The following PDE1C variants were observed in gnomAD, a reference collection of about 807,000 sequenced individuals.
PDE1C encodes dual specificity calcium/calmodulin-dependent 3',5'-cyclic nucleotide phosphodiesterase 1C.
Under a neutral mutation model 93.1 loss-of-function variants are expected in PDE1C, and 62 were observed. That is an observed-to-expected ratio of 0.67 (90% CI 0.54 to 0.82). The LOEUF (loss-of-function observed/expected upper bound fraction) is 0.82. Among genes scored for constraint, PDE1C ranks in the 40% least tolerant of loss-of-function variants. The pLI, the probability that PDE1C is intolerant of heterozygous loss-of-function variation, is 0.00. For synonymous variants in PDE1C, 325 were observed against 310.1 expected, an observed-to-expected ratio of 1.05 and a Z score of -0.50; for missense variants, 742 against 884.6, an observed-to-expected ratio of 0.84 and a Z score of 2.04.
chr7:31,627,013 A>G, the PDE1C span, among the ~76,000 whole-genome samples: 1 of 152,270 alleles, frequency 6.6e-6, no homozygotes, highest in African/African-American at 2.4e-5. Flanking sequence ...ATGTATGTCT[A>G]AAACACATAT....
Position 31,823,069 on chromosome 7 carries a change from T to G in PDE1C, c.1582+4A>C. The G allele has an allele frequency of 6.2e-7, 1 of 1,606,984 alleles. No homozygotes were observed. The highest frequency in any genetic ancestry group is 1.1e-5 in the South Asian group (1 of 89,850). On this transcript the variant is annotated splice_donor_region_variant and intron_variant, in intron 14 of 17. Coordinates refer to ENST00000396191, the MANE Select transcript of PDE1C (RefSeq NM_001191057.4). The stretch of plus-strand genomic sequence containing the variant: ...TTGGTTTGGACAGGTCTGTGGCATG[T>G]TACCTTTGGGTACCTTGGCCCTCCA...
At chr7:31,909,826 C>T (rs1801013006) in intron 2 of PDE1C, among the ~76,000 whole-genome samples, 1 of 152,088 alleles carries the variant, frequency 6.6e-6, no homozygotes, top group African/African-American at 2.4e-5. Flanking sequence ...GGGTTTGAAC[C>T]CAGGCTGTCT....
intron 17 of PDE1C, among the ~76,000 whole-genome samples, chr7:31,756,839 A>C (rs1182663104): frequency 6.6e-6 from 1 of 152,240 alleles, no homozygotes; most frequent in East Asian, 1.9e-4. Flanking sequence ...AAACAGAGCC[A>C]GTTGAACCCT....
intron 1 of PDE1C, among the ~76,000 whole-genome samples, chr7:32,289,356 A>T (rs1307792266): frequency 6.6e-6 from 1 of 152,170 alleles, no homozygotes; most frequent in East Asian, 1.9e-4. Context: ...GCTGTGGTGA[A>T]CCGTGATCGT....
the PDE1C span, among the ~76,000 whole-genome samples, chr7:31,647,001 A>T: frequency 6.6e-6 from 1 of 152,276 alleles, no homozygotes; most frequent in Non-Finnish European, 1.5e-5. Flanking sequence ...AATAGAAAAA[A>T]ATACACTCAA....
chr7:31,865,708 C>T (rs561342043), intron 6 of PDE1C, among the ~76,000 whole-genome samples: 2 of 152,208 alleles, frequency 1.3e-5, no homozygotes, highest in South Asian at 2.1e-4. Flanking sequence ...AACAGACTAT[C>T]GCATTTTGGT....
the PDE1C span, among the ~76,000 whole-genome samples, chr7:31,721,963 ATG>A: frequency 0.1 from 15,803 of 152,226 alleles, 936 homozygotes; most frequent in East Asian, 0.23. Context: ...AGAAAAGTAA[ATG>A]CTCAAGACTT....
At position 32,079,005 on chromosome 7, in the gene PDE1C, T is replaced by C. The variant is rs141511653; in HGVS notation, c.308+90780A>G. ...CATTAAAATCTGTTGAGCAGGTGTG[T>C]AGGAGATGCAAAGTGGAAGTTTGAT... On this transcript the variant is annotated intron_variant, in intron 3 of 18. Transcript: ENST00000396193. 1.4e-3 allele frequency among the ~76,000 whole-genome samples: 209 copies of C among 152,136 alleles called. No homozygotes were observed. In the East Asian group the frequency reaches 0.018, roughly 13 times the overall value.
chr7:32,240,022 A>G (rs1020382145), intron 1 of PDE1C, among the ~76,000 whole-genome samples: 7 of 152,124 alleles, frequency 4.6e-5, no homozygotes, highest in African/African-American at 1.7e-4. Context: ...GCCCCCTGCC[A>G]CCCCATGTAT....
chr7:32,291,467 C>T (rs1307108151), intron 1 of PDE1C, among the ~76,000 whole-genome samples: 1 of 152,256 alleles, frequency 6.6e-6, no homozygotes, highest in East Asian at 1.9e-4. Context: ...AGCTAGTCCC[C>T]ATTTCCCACT....
intron 17 of PDE1C, among the ~76,000 whole-genome samples, chr7:31,755,370 G>C (rs1484281181): frequency 6.6e-6 from 1 of 152,066 alleles, no homozygotes; most frequent in East Asian, 1.9e-4. Context: ...AAGGGGAGGG[G>C]GTCTAGGACC....
intron 3 of PDE1C, among the ~76,000 whole-genome samples, chr7:32,103,838 T>C (rs141619609): frequency 8.3e-4 from 126 of 152,164 alleles, no homozygotes; most frequent in African/African-American, 2.9e-3. Context: ...AGATAAAATA[T>C]TGCAGAGAAG....
At chr7:32,283,108 T>C (rs1411009279) in intron 1 of PDE1C, among the ~76,000 whole-genome samples, 1 of 152,188 alleles carries the variant, frequency 6.6e-6, no homozygotes, top group African/African-American at 2.4e-5. Context: ...GAGACAATGA[T>C]AGTTACTGTA....
chr7:32,220,101 C>T (rs1446795507), intron 1 of PDE1C, among the ~76,000 whole-genome samples: 2 of 147,810 alleles, frequency 1.4e-5, no homozygotes, highest in Non-Finnish European at 3.0e-5. Flanking sequence ...GTCCCTTAAA[C>T]CTCTTTTTTT....
chr7:32,164,016 A>G (rs943296112), intron 3 of PDE1C, among the ~76,000 whole-genome samples: 5 of 152,246 alleles, frequency 3.3e-5, no homozygotes, highest in Non-Finnish European at 5.9e-5. Flanking sequence ...GAACAAAAGC[A>G]TTACTCAAAT....
At chr7:32,373,322 C>T (rs1052336640) in intron 1 of PDE1C, among the ~76,000 whole-genome samples, 3 of 152,130 alleles carry the variant, frequency 2.0e-5, no homozygotes, top group African/African-American at 7.2e-5. Context: ...ACAATGTGGA[C>T]GAACCTTGAA....
chr7:32,013,591 G>A (rs1787462391), intron 2 of PDE1C, among the ~76,000 whole-genome samples: 1 of 152,146 alleles, frequency 6.6e-6, no homozygotes, highest in African/African-American at 2.4e-5. Context: ...ATAAAGGAAG[G>A]ACGAAGTAAC....
At chr7:32,287,093 A>G (rs913674575) in intron 1 of PDE1C, among the ~76,000 whole-genome samples, 1 of 152,204 alleles carries the variant, frequency 6.6e-6, no homozygotes, top group African/African-American at 2.4e-5. Flanking sequence ...TTAACACATA[A>G]TAGCAAGAAC....
chr7:31,653,971 G>C, the PDE1C span, among the ~76,000 whole-genome samples: 1 of 150,552 alleles, frequency 6.6e-6, no homozygotes, highest in Non-Finnish European at 1.5e-5. Context: ...ACTGTGTGCA[G>C]GCTACTATTC....
Sources: gnomAD v4.1 joint callset for allele counts (sites outside exome capture counted in the v4.1 genomes callset) on GRCh38, gnomAD v4.1.1 for gene constraint, MANE v1.5 for transcripts, NCBI Gene and HGNC (gene_info 2026-07-23, HGNC 2026-07-21) for gene names.